RAPGEF6: variants seen among roughly 807,000 people sequenced by gnomAD.
RAPGEF6 encodes PDZ domain containing guanine nucleotide exchange factor (GEF) 2.
Under a neutral mutation model 171.4 loss-of-function variants are expected in RAPGEF6, and 56 were observed. That is an observed-to-expected ratio of 0.33 (90% CI 0.26 to 0.41). RAPGEF6 has a LOEUF of 0.41. RAPGEF6 is among the 10% of genes least tolerant of loss of function. The pLI is 1.00. For synonymous variants in RAPGEF6, 692 were observed against 650.1 expected (o/e 1.06, Z -0.98); for missense variants, 1,674 against 1,921.4 (o/e 0.87, Z 2.41).
At position 131,479,644 on chromosome 5, in the gene RAPGEF6, T is replaced by C. The variant is rs1420836154; in HGVS notation, c.1950A>G (p.Gly650=). 6.2e-7 allele frequency: 1 copy of C among 1,613,978 alleles called. No homozygotes were observed. Among genetic ancestry groups the C allele is most frequent in the Non-Finnish European group, 8.5e-7 (1 of 1,180,014 alleles). Residue 650 remains glycine (G), a synonymous_variant, in exon 16 of 28, where the codon GGA becomes GGG. Coordinates refer to ENST00000509018, the MANE Select transcript of RAPGEF6 (RefSeq NM_016340.6). ...TCTCCTGTGATGTCTGTTCAATATC[T>C]CCTGGCACATGCTGGATAGAATGGC... The part of the protein sequence containing the change: ...SNRHSIQHVP[G]DIEQTSQEKG...
At chr5:131,450,609 T>C (rs2149821066) in intron 21 of RAPGEF6, among the ~76,000 whole-genome samples, 1 of 152,332 alleles carries the variant, frequency 6.6e-6, no homozygotes, top group South Asian at 2.1e-4. Flanking sequence ...TAATACTATA[T>C]ATCTTTACAT....
At chr5:131,540,525 G>T (rs2149938199) in intron 6 of RAPGEF6, among the ~76,000 whole-genome samples, 1 of 152,298 alleles carries the variant, frequency 6.6e-6, no homozygotes, top group Admixed American at 6.5e-5. Context: ...TCGCATAACT[G>T]CATTTCACAG....
At chr5:131,610,919 A>G (rs1352447259) in intron 1 of RAPGEF6, among the ~76,000 whole-genome samples, 1 of 152,204 alleles carries the variant, frequency 6.6e-6, no homozygotes, top group African/African-American at 2.4e-5. Context: ...GTATTTGAAC[A>G]AAATCCCTAT....
chr5:131,565,003 A>G (rs1052417688), intron 4 of RAPGEF6, among the ~76,000 whole-genome samples: 6 of 152,136 alleles, frequency 3.9e-5, no homozygotes, highest in African/African-American at 1.4e-4. Flanking sequence ...GACTGAAAGC[A>G]TTATTAGGGC....
At chr5:131,566,643 G>A (rs1367139899) in intron 4 of RAPGEF6, among the ~76,000 whole-genome samples, 1 of 151,860 alleles carries the variant, frequency 6.6e-6, no homozygotes, top group Non-Finnish European at 1.5e-5. Context: ...AAGTCTTTTG[G>A]AATGTATGTA....
chr5:131,495,274 G>A (rs1454093585), intron 13 of RAPGEF6, among the ~76,000 whole-genome samples: 5 of 150,462 alleles, frequency 3.3e-5, no homozygotes, highest in East Asian at 1.9e-4. Context: ...CAGCCTGGGC[G>A]ACAGCGAGAC....
intron 1 of RAPGEF6, among the ~76,000 whole-genome samples, chr5:131,619,687 A>G (rs764466600): frequency 9.9e-5 from 15 of 152,164 alleles, no homozygotes; most frequent in Admixed American, 4.6e-4. Context: ...TAAATTCCAC[A>G]TGTACTTTTC....
At chr5:131,468,257 G>A (rs546447901) in intron 17 of RAPGEF6, among the ~76,000 whole-genome samples, 52 of 149,940 alleles carry the variant, frequency 3.5e-4, no homozygotes, top group South Asian at 6.4e-4. Flanking sequence ...GCATGAACCC[G>A]GGAGGCGTAG....
chr5:131,563,805 T>G (rs534124451), intron 4 of RAPGEF6, among the ~76,000 whole-genome samples: 1 of 152,248 alleles, frequency 6.6e-6, no homozygotes, highest in East Asian at 1.9e-4. Context: ...GCACCAGGCC[T>G]CACTTGTTTT....
At chr5:131,489,745 A>C (rs898671890) in intron 14 of RAPGEF6, 91 bp from the exon 15 acceptor site, 3 of 648,560 alleles carry the variant, frequency 4.6e-6, no homozygotes, top group African/African-American at 1.9e-5. Flanking sequence ...AATAAAATGA[A>C]ACTTGAATAA....
At chr5:131,445,583 G>A (rs1032902070) in intron 22 of RAPGEF6, among the ~76,000 whole-genome samples, 3 of 151,842 alleles carry the variant, frequency 2.0e-5, no homozygotes, top group South Asian at 2.1e-4. Context: ...CTGTGTGTGC[G>A]CGCGTATTTA....
intron 17 of RAPGEF6, 26 bp from the exon 18 acceptor site, chr5:131,464,307 GT>G: frequency 6.3e-7 from 1 of 1,587,768 alleles, no homozygotes; most frequent in Non-Finnish European, 8.6e-7. Context: ...GATATGCTTT[GT>G]TATTTTTTAA....
chr5:131,521,960 C>A (rs956196157), intron 6 of RAPGEF6, among the ~76,000 whole-genome samples: 2 of 150,896 alleles, frequency 1.3e-5, no homozygotes, highest in African/African-American at 4.9e-5. Flanking sequence ...GTGACTGATA[C>A]AAGAATAAAA....
chr5:131,504,567 A>C, intron 11 of RAPGEF6, 59 bp downstream of exon 11: 1 of 1,474,336 alleles, frequency 6.8e-7, no homozygotes, highest in African/African-American at 1.4e-5. Flanking sequence ...TTAAAACAAG[A>C]TGAAAGCTTT....
chr5:131,596,353 TTATATAA>T (rs1257053012), intron 3 of RAPGEF6, among the ~76,000 whole-genome samples: 4 of 148,718 alleles, frequency 2.7e-5, no homozygotes, highest in Admixed American at 1.3e-4. Flanking sequence ...TATATAATCA[TTATATAA>T]TATATATTTG....
intron 4 of RAPGEF6, among the ~76,000 whole-genome samples, chr5:131,580,944 C>T (rs1209613720): frequency 1.3e-5 from 2 of 152,190 alleles, no homozygotes; most frequent in African/African-American, 4.8e-5. Flanking sequence ...ATGACACCAA[C>T]ACGACAAAAA....
chr5:131,544,616 G>C (rs999519697), intron 6 of RAPGEF6, among the ~76,000 whole-genome samples: 6 of 152,168 alleles, frequency 3.9e-5, no homozygotes, highest in African/African-American at 1.2e-4. Context: ...TCATAATCTT[G>C]AATACGGTGA....
intron 7 of RAPGEF6, among the ~76,000 whole-genome samples, chr5:131,518,256 A>C (rs1304114969): frequency 1.3e-5 from 2 of 152,000 alleles, no homozygotes; most frequent in Non-Finnish European, 2.9e-5. Context: ...TAAAAAATAT[A>C]TAAGTATGTA....
intron 5 of RAPGEF6, among the ~76,000 whole-genome samples, chr5:131,559,847 A>G (rs1410005800): frequency 6.6e-6 from 1 of 151,386 alleles, no homozygotes; most frequent in African/African-American, 2.4e-5. Context: ...AAAAAAGAAA[A>G]AAAAAAAAGA....
Sources: allele counts gnomAD v4.1 joint callset (sites outside exome capture counted in the v4.1 genomes callset), GRCh38; gene constraint gnomAD v4.1.1; transcripts MANE v1.5; gene names NCBI Gene and HGNC (gene_info 2026-07-23, HGNC 2026-07-21).